GLRA3: variants seen among roughly 807,000 people sequenced by gnomAD.
GLRA3 encodes the protein glycine receptor subunit alpha-3.
In GLRA3, 44 loss-of-function variants were observed where a neutral mutation model predicts 60.4. The ratio of observed to expected loss-of-function variants is 0.73; its 90% confidence interval spans 0.57 to 0.94. The LOEUF is 0.94. GLRA3 is among the 40% of genes least tolerant of loss of function. The probability of loss-of-function intolerance (pLI) is 0.00; values close to 1 mark genes in which losing one functional copy is unlikely to be tolerated. For missense variants in GLRA3, 508 were observed against 564.6 expected, an observed-to-expected ratio of 0.90 and a Z score of 1.02; for synonymous variants, 223 against 192.9, an observed-to-expected ratio of 1.16 and a Z score of -1.29.
chr4:174,788,945 T>G lies in GLRA3; in HGVS notation c.72-2A>C. 1 of 1,568,378 alleles carries G rather than the reference T, an allele frequency of 6.4e-7. No individual in the cohort carries two copies. The highest frequency in any genetic ancestry group is 1.4e-5 in the African/African-American group (1 of 72,968). On this transcript the variant is annotated splice_acceptor_variant, in intron 1 of 9. Coordinates refer to ENST00000274093, the MANE Select transcript of GLRA3 (RefSeq NM_006529.4). LOFTEE classifies it high-confidence loss of function. ...TCTGTTTCCTTTGTGGCAACCAAAC[T>G]ACAAATAAGAACAAAAATATAGACT...
At chr4:174,686,650 G>A (rs1734563566) in intron 5 of GLRA3, among the ~76,000 whole-genome samples, 1 of 152,206 alleles carries the variant, frequency 6.6e-6, no homozygotes, top group South Asian at 2.1e-4. Flanking sequence ...ACTGCTGTGT[G>A]CATTTAGCGC....
chr4:174,772,606 T>A (rs1345278752), intron 2 of GLRA3, among the ~76,000 whole-genome samples: 1 of 152,156 alleles, frequency 6.6e-6, no homozygotes, highest in African/African-American at 2.4e-5. Context: ...TAAGAATAAC[T>A]TAAAATTTTA....
chr4:174,728,737 T>G (rs759755612), intron 3 of GLRA3, 39 bp from the exon 4 acceptor site: 2 of 1,320,230 alleles, frequency 1.5e-6, no homozygotes, highest in Non-Finnish European at 2.1e-6. Flanking sequence ...AAAAAAACCC[T>G]GCTTTAAAAA....
At chr4:174,771,006 C>A (rs1186015013) in intron 2 of GLRA3, among the ~76,000 whole-genome samples, 1 of 143,786 alleles carries the variant, frequency 7.0e-6, no homozygotes, top group South Asian at 2.2e-4. Context: ...ACCACATGTT[C>A]TCACTCATAG....
intron 7 of GLRA3, among the ~76,000 whole-genome samples, chr4:174,670,756 G>C (rs1490333077): frequency 6.6e-6 from 1 of 151,910 alleles, no homozygotes; most frequent in East Asian, 1.9e-4. Flanking sequence ...TAGTAAAGTA[G>C]GTCCTAAGTA....
chr4:174,808,027 CAGAAGAAG>C (rs1740117180), intron 1 of GLRA3, among the ~76,000 whole-genome samples: 1 of 151,912 alleles, frequency 6.6e-6, no homozygotes, highest in Non-Finnish European at 1.5e-5. Context: ...CAGTTTTGAT[CAGAAGAAG>C]AGAGAACTCT....
At chr4:174,644,208 G>T in intron 9 of GLRA3, 144 bp from the exon 10 acceptor site, 3 of 595,842 alleles carry the variant, frequency 5.0e-6, no homozygotes, top group Admixed American at 2.8e-5. Flanking sequence ...AAGATGAATT[G>T]GTTTTTATTC....
chr4:174,826,271 C>T (rs1056217453), intron 1 of GLRA3, among the ~76,000 whole-genome samples: 4 of 152,162 alleles, frequency 2.6e-5, no homozygotes, highest in African/African-American at 9.7e-5. Context: ...GCTATTGCTA[C>T]ATGCAACAAG....
At chr4:174,759,571 C>G (rs1343912957) in intron 3 of GLRA3, among the ~76,000 whole-genome samples, 2 of 152,026 alleles carry the variant, frequency 1.3e-5, no homozygotes, top group South Asian at 2.1e-4. Flanking sequence ...CAAGATAATT[C>G]TAAACTTTAT....
At chr4:174,660,494 CA>C (rs34305392) in intron 7 of GLRA3, among the ~76,000 whole-genome samples, 45,763 of 152,004 alleles carry the variant, frequency 0.3, 7,999 homozygotes, top group Admixed American at 0.47. Context: ...CTCCACAGTG[CA>C]TCATATCAGG....
chr4:174,804,964 GA>G (rs1739975122), intron 1 of GLRA3, among the ~76,000 whole-genome samples: 1 of 152,096 alleles, frequency 6.6e-6, no homozygotes, highest in Admixed American at 6.6e-5. Context: ...TACACGTAGC[GA>G]CAAAGAAAAG....
intron 5 of GLRA3, among the ~76,000 whole-genome samples, chr4:174,702,642 A>T (rs998877104): frequency 6.6e-6 from 1 of 152,132 alleles, no homozygotes; most frequent in Non-Finnish European, 1.5e-5. Context: ...ATCATAGCTC[A>T]CTGCAACCTT....
intron 9 of GLRA3, among the ~76,000 whole-genome samples, chr4:174,652,730 G>C (rs1733066737): frequency 6.6e-6 from 1 of 152,014 alleles, no homozygotes; most frequent in East Asian, 1.9e-4. Context: ...GAAAATAGAA[G>C]GGTGCATACA....
At chr4:174,648,918 G>A (rs1042108138) in intron 9 of GLRA3, among the ~76,000 whole-genome samples, 14 of 152,100 alleles carry the variant, frequency 9.2e-5, no homozygotes, top group Admixed American at 3.3e-4. Context: ...CTGGGAGGAC[G>A]GAAATCTGTT....
chr4:174,685,775 T>C (rs1734533785), intron 5 of GLRA3, among the ~76,000 whole-genome samples: 1 of 152,000 alleles, frequency 6.6e-6, no homozygotes, highest in Admixed American at 6.6e-5. Context: ...GATAGCAAAA[T>C]AGGCACCAAT....
intron 1 of GLRA3, among the ~76,000 whole-genome samples, chr4:174,796,236 G>A (rs1739560136): frequency 6.6e-6 from 1 of 152,114 alleles, no homozygotes; most frequent in East Asian, 1.9e-4. Flanking sequence ...AATGTACCAG[G>A]AAGCAGGCCC....
At chr4:174,825,928 A>C (rs1740948605) in intron 1 of GLRA3, among the ~76,000 whole-genome samples, 1 of 152,148 alleles carries the variant, frequency 6.6e-6, no homozygotes, top group African/African-American at 2.4e-5. Flanking sequence ...ACACTGATCA[A>C]ATTGTGTACT....
At chr4:174,708,022 G>C (rs930782345) in intron 5 of GLRA3, among the ~76,000 whole-genome samples, 1 of 152,100 alleles carries the variant, frequency 6.6e-6, no homozygotes, top group Non-Finnish European at 1.5e-5. Context: ...TTACTGTATA[G>C]TTTTGTCTTG....
Position 174,747,845 on chromosome 4 carries a change from G to A in GLRA3, c.267+19118C>T, listed in dbSNP as rs188898999. Among the ~76,000 whole-genome samples, 44 of 134,048 alleles carry A rather than the reference G, an allele frequency of 3.3e-4. 1 individual carries two copies. In the East Asian group the frequency reaches 0.017, roughly 51 times the overall value. The allele number at this position is 134,048 out of a possible 152,430, so 87.9% of individuals were successfully genotyped here. On this transcript the variant is annotated intron_variant, in intron 3 of 9. Transcript: ENST00000274093. Reference sequence around the variant, plus strand: ...ACTTACTGATTAGACTACTGTGTCAGTGTACAGTTAATCTTGCCTTTAACA... The same window carrying A: ...ACTTACTGATTAGACTACTGTGTCAATGTACAGTTAATCTTGCCTTTAACA...
Sources: allele counts gnomAD v4.1 joint callset (sites outside exome capture counted in the v4.1 genomes callset), GRCh38; gene constraint gnomAD v4.1.1; transcripts MANE v1.5; gene names NCBI Gene and HGNC (gene_info 2026-07-23, HGNC 2026-07-21).